Variants in TRPC5 observed in about 807,000 individuals in gnomAD.
TRPC5 encodes the protein short transient receptor potential channel 5.
TRPC5 carries 9 observed loss-of-function variants against 56.5 expected under a neutral mutation model. The ratio of observed to expected loss-of-function variants is 0.16; its 90% CI spans 0.10 to 0.28. TRPC5 has a LOEUF of 0.28. Among genes scored for constraint, TRPC5 ranks in the 10% least tolerant of loss-of-function variants. The pLI is 1.00. For synonymous variants in TRPC5, 282 were observed against 278.5 expected, an observed-to-expected ratio of 1.01 and a Z score of -0.13; for missense variants, 469 against 748.9, an observed-to-expected ratio of 0.63 and a Z score of 4.36.
At chrX:112,056,041 T>C (rs1930333801) in intron 1 of TRPC5, among the ~76,000 whole-genome samples, 2 of 111,626 alleles carry the variant, frequency 1.8e-5, no homozygotes, top group Non-Finnish European at 3.8e-5. Context: ...GTGATACCTG[T>C]GAGGTGGGGA....
At chrX:111,834,440 G>GA (rs962482533) in intron 7 of TRPC5, among the ~76,000 whole-genome samples, 3 of 110,910 alleles carry the variant, frequency 2.7e-5, no homozygotes, top group Non-Finnish European at 5.7e-5. Flanking sequence ...TTTAAAATAG[G>GA]AAAAAACGTA....
intron 1 of TRPC5, among the ~76,000 whole-genome samples, chrX:111,967,670 A>G (rs1265954085): frequency 6.3e-5 from 7 of 111,167 alleles, no homozygotes; most frequent in East Asian, 2.8e-4. Flanking sequence ...ATAATGCCAC[A>G]TATCTACAAC....
chrX:111,999,542 A>T (rs1409650737), intron 1 of TRPC5, among the ~76,000 whole-genome samples: 1 of 112,088 alleles, frequency 8.9e-6, no homozygotes. Flanking sequence ...GATTGACTCC[A>T]TACCTTGACT....
At chrX:111,968,247 G>A (rs1231195803) in intron 1 of TRPC5, among the ~76,000 whole-genome samples, 1 of 111,297 alleles carries the variant, frequency 9.0e-6, no homozygotes, top group African/African-American at 3.3e-5. Flanking sequence ...CTGGCCATCA[G>A]AGAAATGCAA....
chrX:111,911,430 G>T (rs1017039187), intron 3 of TRPC5, among the ~76,000 whole-genome samples: 7 of 112,300 alleles, frequency 6.2e-5, no homozygotes, highest in Non-Finnish European at 1.9e-5. Context: ...GTTTCTTTAG[G>T]TCATACAGCT....
At chrX:111,941,212 C>T (rs1926768693) in intron 2 of TRPC5, among the ~76,000 whole-genome samples, 1 of 111,872 alleles carries the variant, frequency 8.9e-6, no homozygotes, top group Non-Finnish European at 1.9e-5. Context: ...GTTATTCTTC[C>T]CAGCCTGTGA....
intron 2 of TRPC5, among the ~76,000 whole-genome samples, chrX:111,945,476 C>A (rs1260006413): frequency 9.1e-6 from 1 of 110,390 alleles, no homozygotes; most frequent in Non-Finnish European, 1.9e-5. Flanking sequence ...ATAACATACA[C>A]ACACACATGT....
intron 2 of TRPC5, among the ~76,000 whole-genome samples, chrX:111,919,505 T>C (rs757629463): frequency 8.9e-6 from 1 of 112,394 alleles, no homozygotes; most frequent in South Asian, 3.7e-4. Context: ...AGTGAGACCA[T>C]GAACTCACCA....
chrX:111,807,935 G>T (rs1305681448), intron 7 of TRPC5, among the ~76,000 whole-genome samples: 1 of 100,932 alleles, frequency 9.9e-6, no homozygotes, highest in Non-Finnish European at 1.9e-5. Flanking sequence ...CCAAACAAAT[G>T]GAGTCTCTCT....
chrX:112,002,761 A>T (rs185330329), intron 1 of TRPC5, among the ~76,000 whole-genome samples: 13 of 112,156 alleles, frequency 1.2e-4, no homozygotes, highest in Admixed American at 9.5e-4. Context: ...GTAAATACAC[A>T]ACATGCTTTA....
intron 7 of TRPC5, among the ~76,000 whole-genome samples, chrX:111,797,431 A>G (rs1269512488): frequency 8.9e-6 from 1 of 112,101 alleles, no homozygotes; most frequent in Non-Finnish European, 1.9e-5. Flanking sequence ...CTAATCAGCT[A>G]TTAATGGATA....
intron 9 of TRPC5, among the ~76,000 whole-genome samples, chrX:111,779,398 C>T (rs774220941): frequency 2.7e-5 from 3 of 112,039 alleles, no homozygotes; most frequent in Non-Finnish European, 5.6e-5. Flanking sequence ...CGTTAACACT[C>T]ATAGTAAAAC....
At position 111,773,559 on chromosome X, in the gene TRPC5, A is replaced by C. The variant is rs1057220521; in HGVS notation, c.*2754T>G. ...CACAGCATTTTTGGCAAATGAACAA[A>C]AGGGTGTCTGTAGTGGCCACTTCAC... On this transcript the variant is annotated 3_prime_UTR_variant, in exon 11 of 11. Coordinates refer to ENST00000262839, the MANE Select transcript of TRPC5 (RefSeq NM_012471.3). Among the ~76,000 whole-genome samples, 12 of 111,739 alleles carry C rather than the reference A, an allele frequency of 1.1e-4. No individual in the cohort carries two copies. The highest frequency in any genetic ancestry group is 3.8e-4 in the Admixed American group (4 of 10,470).
rs772577191 is a variant in TRPC5 at position 111,881,316 on chromosome X, A to G, written c.901-27210T>C. Among the ~76,000 whole-genome samples the G allele has an allele frequency of 1.1e-4, 12 of 110,423 alleles. No homozygotes were observed. In the East Asian group the frequency reaches 3.4e-3, roughly 31 times the overall value. On this transcript the variant is annotated intron_variant, in intron 3 of 10. Transcript: ENST00000262839. ...CTCAGCTTCCCGAGTAGCTGGGACT[A>G]CAGGCACGCGCCACCACACCCAGCT... is the stretch of plus-strand genomic sequence containing the variant.
rs753031898 is a variant in TRPC5, at chrX:111,977,856, A to G, written c.-21-25415T>C. On this transcript the variant is annotated intron_variant, in intron 1 of 10. Coordinates refer to ENST00000262839, the MANE Select transcript of TRPC5 (RefSeq NM_012471.3). ...GAAGAAACGCAGATGGCCAACAGGC[A>G]TATGCAAAGGTGTTAAACATCTCTA... Among the ~76,000 whole-genome samples the G allele has an allele frequency of 3.6e-5, 4 of 112,152 alleles. No individual in the cohort carries two copies. The East Asian group carries it at 1.1e-3, about 31-fold the overall frequency.
At chrX:111,888,453 T>C (rs1924614409) in intron 3 of TRPC5, among the ~76,000 whole-genome samples, 1 of 100,272 alleles carries the variant, frequency 1.0e-5, no homozygotes, top group Non-Finnish European at 2.0e-5. Flanking sequence ...GGCGGGCGGA[T>C]CACGAGGTCA....
At chrX:111,908,190 AG>A (rs1254812375) in intron 3 of TRPC5, among the ~76,000 whole-genome samples, 1 of 111,660 alleles carries the variant, frequency 9.0e-6, no homozygotes, top group African/African-American at 3.3e-5. Flanking sequence ...GAAGGATTAC[AG>A]TTTTTTTTTC....
intron 3 of TRPC5, among the ~76,000 whole-genome samples, chrX:111,907,773 T>C (rs1356733881): frequency 9.0e-6 from 1 of 111,504 alleles, no homozygotes; most frequent in Non-Finnish European, 1.9e-5. Context: ...AAAAATCAAG[T>C]GTATTATATA....
Position 111,773,953 on chromosome X carries a change from A to T in TRPC5, c.*2360T>A, listed in dbSNP as rs538221266. On this transcript the variant is annotated 3_prime_UTR_variant, in exon 11 of 11. Transcript: ENST00000262839. ...TAATAAAAATGTTGGTGTCACCAAC[A>T]TGGAAGTTAGGGCAATAGCTGTTCA... Among the ~76,000 whole-genome samples, 1 of 111,662 alleles carries T rather than the reference A, an allele frequency of 9.0e-6. No homozygotes were observed. The highest frequency in any genetic ancestry group is 2.8e-4 in the East Asian group (1 of 3,584).
Sources: allele counts gnomAD v4.1 joint callset (sites outside exome capture counted in the v4.1 genomes callset), GRCh38; gene constraint gnomAD v4.1.1; transcripts MANE v1.5; gene names NCBI Gene and HGNC (gene_info 2026-07-23, HGNC 2026-07-21).